The following TBC1D5 variants were observed in gnomAD, a reference collection of about 807,000 sequenced individuals.
TBC1D5 encodes the protein TBC1 domain family member 5.
TBC1D5 carries 75 observed loss-of-function variants against 100.3 expected under a neutral mutation model. The ratio of observed to expected loss-of-function variants is 0.75; its 90% CI spans 0.62 to 0.91. The LOEUF is 0.91. Ranked by LOEUF, TBC1D5 falls within the 40% of genes least tolerant of loss-of-function variation. The pLI is 0.00. For synonymous variants in TBC1D5, 323 were observed against 325.6 expected, an observed-to-expected ratio of 0.99 and a Z score of 0.09; for missense variants, 910 against 942.4, an observed-to-expected ratio of 0.97 and a Z score of 0.45.
At chr3:17,374,655 G>T in exon 11 of TBC1D5, 2 of 1,610,728 alleles carry the variant, frequency 1.2e-6, no homozygotes, top group Non-Finnish European at 1.7e-6. Flanking sequence ...GATACTCAGG[G>T]TTCAAGACAG....
At chr3:17,544,286 C>T (rs1336298750) in intron 2 of TBC1D5, among the ~76,000 whole-genome samples, 2 of 152,118 alleles carry the variant, frequency 1.3e-5, no homozygotes, top group Non-Finnish European at 2.9e-5. Flanking sequence ...TACATGAAAA[C>T]CCACCTATCA....
intron 3 of TBC1D5, among the ~76,000 whole-genome samples, chr3:17,470,714 C>T (rs2095362752): frequency 6.6e-6 from 1 of 151,948 alleles, no homozygotes; most frequent in African/African-American, 2.4e-5. Flanking sequence ...GAGGTCAAGA[C>T]ATCGAGACCA....
At chr3:17,629,513 T>C (rs2063323885) in intron 1 of TBC1D5, among the ~76,000 whole-genome samples, 1 of 152,184 alleles carries the variant, frequency 6.6e-6, no homozygotes, top group Non-Finnish European at 1.5e-5. Flanking sequence ...CTTCTTCACA[T>C]GTAACAGTGT....
intron 1 of TBC1D5, among the ~76,000 whole-genome samples, chr3:17,708,563 C>T (rs1338428557): frequency 1.3e-5 from 2 of 152,190 alleles, no homozygotes; most frequent in South Asian, 2.1e-4. Flanking sequence ...TGTTTAACAG[C>T]AACCCTGGCT....
intron 13 of TBC1D5, among the ~76,000 whole-genome samples, chr3:17,364,212 C>A (rs78047569): frequency 1.3e-5 from 2 of 152,182 alleles, no homozygotes; most frequent in African/African-American, 4.8e-5. Flanking sequence ...CTTAAAATAG[C>A]AACAAAATTT....
chr3:17,738,706 G>A (rs1050901832), intron 1 of TBC1D5, among the ~76,000 whole-genome samples: 12 of 152,094 alleles, frequency 7.9e-5, no homozygotes, highest in African/African-American at 2.2e-4. Context: ...CCACAACACA[G>A]CATCAGGGTA....
intron 18 of TBC1D5, among the ~76,000 whole-genome samples, chr3:17,211,879 A>T (rs2073032786): frequency 6.6e-6 from 1 of 152,164 alleles, no homozygotes; most frequent in Non-Finnish European, 1.5e-5. Context: ...TTTATATACT[A>T]CAGAATCACA....
chr3:17,264,381 G>A (rs2078645858), intron 15 of TBC1D5, among the ~76,000 whole-genome samples: 1 of 152,160 alleles, frequency 6.6e-6, no homozygotes, highest in African/African-American at 2.4e-5. Flanking sequence ...ATCAAATAGA[G>A]ATTACAGAAG....
intron 6 of TBC1D5, 22 bp from the exon 7 acceptor site, chr3:17,404,790 C>A (rs778540781): frequency 6.3e-7 from 1 of 1,599,096 alleles, no homozygotes; most frequent in South Asian, 1.1e-5. Context: ...AGAGAAAACA[C>A]ACACACAAGG....
intron 1 of TBC1D5, among the ~76,000 whole-genome samples, chr3:17,702,827 T>C (rs1011167339): frequency 6.6e-6 from 1 of 152,082 alleles, no homozygotes; most frequent in Non-Finnish European, 1.5e-5. Context: ...TTCCATCAGG[T>C]ATAAATAAGT....
intron 3 of TBC1D5, among the ~76,000 whole-genome samples, chr3:17,465,830 C>T (rs2095291475): frequency 6.6e-6 from 1 of 152,176 alleles, no homozygotes; most frequent in African/African-American, 2.4e-5. Flanking sequence ...TCAAATATAT[C>T]CAAATTCAAA....
At chr3:17,256,143 T>G (rs567909212) in intron 16 of TBC1D5, among the ~76,000 whole-genome samples, 12 of 152,276 alleles carry the variant, frequency 7.9e-5, no homozygotes, top group African/African-American at 2.6e-4. Context: ...TTTTTATGTT[T>G]GCTTGTTTCA....
intron 2 of TBC1D5, among the ~76,000 whole-genome samples, chr3:17,599,808 C>T (rs149607132): frequency 5.0e-4 from 76 of 152,238 alleles, no homozygotes; most frequent in African/African-American, 1.8e-3. Flanking sequence ...GCAAGCCACA[C>T]CCCTGTCTAA....
intron 15 of TBC1D5, among the ~76,000 whole-genome samples, chr3:17,275,863 G>C (rs990596565): frequency 5.3e-5 from 8 of 152,166 alleles, no homozygotes; most frequent in African/African-American, 1.9e-4. Context: ...CTCAGAGTCC[G>C]GTTTCACTAA....
chr3:17,494,250 G>A (rs980165504), intron 3 of TBC1D5, among the ~76,000 whole-genome samples: 5 of 152,130 alleles, frequency 3.3e-5, no homozygotes, highest in African/African-American at 9.7e-5. Flanking sequence ...CATCACCACT[G>A]GAGACTGCAG....
chr3:17,214,327 A>T, exon 18 of TBC1D5: 1 of 1,613,154 alleles, frequency 6.2e-7, no homozygotes. Context: ...CTCCAGGCAA[A>T]CTCTCAACGC....
At chr3:17,457,895 T>C (rs2095124002) in intron 3 of TBC1D5, among the ~76,000 whole-genome samples, 1 of 152,212 alleles carries the variant, frequency 6.6e-6, no homozygotes. Context: ...TTGAAGTTTG[T>C]TACTTCTACG....
rs2092425961 is a variant in TBC1D5 at position 17,371,068 on chromosome 3, T to TAAC, written c.995+1006_995+1007insGTT. On this transcript the variant is annotated intron_variant, in intron 13 of 21. Coordinates refer to ENST00000253692, the Ensembl canonical transcript of TBC1D5. ...CACACCTTATAAGCCACTGAAAAAATACACACACACACACACACACACACA... is the reference window on the plus strand; with the variant it reads ...CACACCTTATAAGCCACTGAAAAAATAACACACACACACACACACACACACACA... 2.0e-5 allele frequency among the ~76,000 whole-genome samples: 3 copies of TAAC among 146,400 alleles called. No homozygotes were observed. In the Admixed American group the frequency reaches 2.1e-4, roughly 10 times the overall value.
chr3:17,218,290 A>G (rs748865643), intron 17 of TBC1D5, among the ~76,000 whole-genome samples: 2 of 151,920 alleles, frequency 1.3e-5, no homozygotes, highest in Non-Finnish European at 2.9e-5. Context: ...CTCTTTCAAG[A>G]TTGTTTTGGC....
Sources: gnomAD v4.1 joint callset for allele counts (sites outside exome capture counted in the v4.1 genomes callset) on GRCh38, gnomAD v4.1.1 for gene constraint, MANE v1.5 for transcripts, NCBI Gene and HGNC (gene_info 2026-07-23, HGNC 2026-07-21) for gene names.